MEMO1: variants seen among roughly 807,000 people sequenced by gnomAD.
MEMO1 encodes protein MEMO1.
Under a neutral mutation model 45.2 loss-of-function variants are expected in MEMO1, and 6 were observed. That is an observed-to-expected ratio of 0.13 (90% CI 0.07 to 0.26). MEMO1 has a LOEUF of 0.26. Ranked by LOEUF, MEMO1 falls within the 10% of genes least tolerant of loss-of-function variation. The probability of loss-of-function intolerance (pLI) is 1.00; values close to 1 mark genes in which losing one functional copy is unlikely to be tolerated. For synonymous variants in MEMO1, 78 were observed against 124.3 expected (o/e 0.63, Z 2.48); for missense variants, 184 against 370.5 (o/e 0.50, Z 4.13).
chr2:31,890,332 G>C (rs1676784551), intron 7 of MEMO1, among the ~76,000 whole-genome samples: 1 of 152,082 alleles, frequency 6.6e-6, no homozygotes, highest in Non-Finnish European at 1.5e-5. Context: ...CTTGCTTCAA[G>C]AATTTTAATT....
At chr2:31,980,210 T>C (rs191116602) in intron 2 of MEMO1, among the ~76,000 whole-genome samples, 90 of 152,262 alleles carry the variant, frequency 5.9e-4, no homozygotes, top group African/African-American at 1.9e-3. Context: ...GGCAGGCGGA[T>C]TGCTTGAAGC....
At chr2:31,892,299 G>A (rs947859561) in intron 6 of MEMO1, among the ~76,000 whole-genome samples, 165 bp from the exon 7 acceptor site, 1 of 151,910 alleles carries the variant, frequency 6.6e-6, no homozygotes, top group Non-Finnish European at 1.5e-5. Context: ...TGTTTAAAGG[G>A]TACAAGGGTA....
chr2:31,947,939 C>T (rs1666377229), intron 2 of MEMO1, among the ~76,000 whole-genome samples: 1 of 152,204 alleles, frequency 6.6e-6, no homozygotes, highest in Non-Finnish European at 1.5e-5. Context: ...TTAGCCTGCT[C>T]CTCCTTACTC....
chr2:31,888,455 A>C (rs148237473), intron 7 of MEMO1, among the ~76,000 whole-genome samples: 2 of 152,262 alleles, frequency 1.3e-5, no homozygotes, highest in East Asian at 3.9e-4. Context: ...TCAATCACAT[A>C]TATGAAGAAG....
intron 2 of MEMO1, among the ~76,000 whole-genome samples, chr2:31,988,202 T>A (rs1359319647): frequency 6.6e-6 from 1 of 152,178 alleles, no homozygotes; most frequent in Non-Finnish European, 1.5e-5. Context: ...AGAATAATAC[T>A]AAAATATTAT....
intron 2 of MEMO1, among the ~76,000 whole-genome samples, chr2:31,988,080 G>A (rs1436750964): frequency 1.3e-5 from 2 of 152,166 alleles, no homozygotes; most frequent in Admixed American, 6.5e-5. Context: ...AAGTTGGTAA[G>A]AGTTCTTGGT....
intron 8 of MEMO1, among the ~76,000 whole-genome samples, chr2:31,877,654 G>A (rs964857036): frequency 6.6e-6 from 1 of 152,148 alleles, no homozygotes; most frequent in Non-Finnish European, 1.5e-5. Flanking sequence ...CACTAGCAAT[G>A]GCACTTAGTA....
chr2:31,935,710 A>T (rs1284723252), intron 3 of MEMO1, among the ~76,000 whole-genome samples: 2 of 152,174 alleles, frequency 1.3e-5, no homozygotes, highest in Non-Finnish European at 2.9e-5. Flanking sequence ...CAGAATAATG[A>T]CAATCAAATC....
chr2:31,913,169 G>A (rs1486577971), intron 6 of MEMO1, among the ~76,000 whole-genome samples: 2 of 149,184 alleles, frequency 1.3e-5, no homozygotes, highest in Non-Finnish European at 2.9e-5. Context: ...GGAGGCTGAG[G>A]CAGGAGAATC....
At chr2:31,923,067 T>G (rs937773299) in intron 4 of MEMO1, among the ~76,000 whole-genome samples, 7 of 152,154 alleles carry the variant, frequency 4.6e-5, no homozygotes, top group African/African-American at 1.7e-4. Context: ...TCCACAATGA[T>G]TGAATCAATT....
intron 6 of MEMO1, among the ~76,000 whole-genome samples, chr2:31,905,079 T>C (rs1335826509): frequency 1.3e-5 from 2 of 151,700 alleles, no homozygotes; most frequent in Non-Finnish European, 2.9e-5. Flanking sequence ...ACAAAAAATA[T>C]AAAAATTGGC....
intron 3 of MEMO1, among the ~76,000 whole-genome samples, chr2:31,938,551 G>A (rs1187679917): frequency 1.3e-5 from 2 of 151,898 alleles, no homozygotes; most frequent in Admixed American, 6.6e-5. Flanking sequence ...GGGAGGCTGA[G>A]GCAGGAGAAT....
chr2:31,900,369 T>C (rs1457234164), intron 6 of MEMO1, among the ~76,000 whole-genome samples: 2 of 152,228 alleles, frequency 1.3e-5, no homozygotes, highest in Non-Finnish European at 2.9e-5. Context: ...GATTAGTTCA[T>C]GTCCTTTGCA....
At chr2:32,009,587 G>A (rs875167) in intron 2 of MEMO1, among the ~76,000 whole-genome samples, 18,850 of 152,228 alleles carry the variant, frequency 0.12, 1,274 homozygotes, top group Middle Eastern at 0.21. Context: ...CAGAGGCACG[G>A]GGCGAGAAGA....
chr2:31,907,087 A>C (rs1340381637), intron 6 of MEMO1, among the ~76,000 whole-genome samples: 3 of 152,198 alleles, frequency 2.0e-5, no homozygotes, highest in South Asian at 2.1e-4. Context: ...TTGTGTGTAC[A>C]TAACTCCCTT....
At chr2:31,894,362 G>A (rs1308206362) in intron 6 of MEMO1, among the ~76,000 whole-genome samples, 1 of 152,180 alleles carries the variant, frequency 6.6e-6, no homozygotes, top group Non-Finnish European at 1.5e-5. Flanking sequence ...ACTTGGAGCA[G>A]AGAGTGGAAA....
chr2:31,982,318 G>A (rs561557587), intron 2 of MEMO1, among the ~76,000 whole-genome samples: 4 of 150,558 alleles, frequency 2.7e-5, no homozygotes, highest in Non-Finnish European at 5.9e-5. Flanking sequence ...AAGGCCAGAC[G>A]CGGTGGCTCA....
chr2:32,006,102 G>A (rs963504455), intron 2 of MEMO1, among the ~76,000 whole-genome samples: 1 of 152,216 alleles, frequency 6.6e-6, no homozygotes, highest in Non-Finnish European at 1.5e-5. Context: ...CCAAAACTGG[G>A]TTGGGGTAGG....
chr2:31,948,599 A>G (rs764790443), intron 2 of MEMO1, among the ~76,000 whole-genome samples: 1 of 152,216 alleles, frequency 6.6e-6, no homozygotes, highest in Non-Finnish European at 1.5e-5. Flanking sequence ...TGATTTTCAC[A>G]GGCCAATAAA....
Sources: gnomAD v4.1 joint callset for allele counts (sites outside exome capture counted in the v4.1 genomes callset) on GRCh38, gnomAD v4.1.1 for gene constraint, MANE v1.5 for transcripts, NCBI Gene and HGNC (gene_info 2026-07-23, HGNC 2026-07-21) for gene names.